Variants in PSTPIP2 observed in about 807,000 individuals in gnomAD.
The protein encoded by PSTPIP2 is proline-serine-threonine phosphatase interacting protein 2.
PSTPIP2 carries 33 observed loss-of-function variants against 63.3 expected under a neutral mutation model. That is an observed-to-expected ratio of 0.52 (90% CI 0.40 to 0.70). The LOEUF is 0.70. Among genes scored for constraint, PSTPIP2 ranks in the 30% least tolerant of loss-of-function variants. PSTPIP2 has a pLI of 0.00. For synonymous variants in PSTPIP2, 125 were observed against 132.7 expected (o/e 0.94, Z 0.40); for missense variants, 312 against 400.7 (o/e 0.78, Z 1.89).
At chr18:46,027,067 G>A (rs1365362923) in intron 2 of PSTPIP2, among the ~76,000 whole-genome samples, 1 of 152,106 alleles carries the variant, frequency 6.6e-6, no homozygotes, top group East Asian at 1.9e-4. Flanking sequence ...GGCCAAGGCG[G>A]TGGATCACCT....
chr18:46,063,782 A>C (rs1387355354), intron 1 of PSTPIP2, among the ~76,000 whole-genome samples: 1 of 152,232 alleles, frequency 6.6e-6, no homozygotes, highest in Non-Finnish European at 1.5e-5. Flanking sequence ...TAAAAACGCA[A>C]ATGAAAGTTG....
chr18:46,045,405 G>A (rs188604367), intron 1 of PSTPIP2, among the ~76,000 whole-genome samples: 10 of 151,904 alleles, frequency 6.6e-5, no homozygotes, highest in South Asian at 4.2e-4. Flanking sequence ...GTAAACTATC[G>A]TAAGAACAAA....
chr18:46,047,549 G>A (rs540610407), intron 1 of PSTPIP2, among the ~76,000 whole-genome samples: 25 of 152,258 alleles, frequency 1.6e-4, no homozygotes, highest in African/African-American at 5.1e-4. Context: ...CTGAGATCAC[G>A]CCACTGCACT....
chr18:46,047,160 T>A (rs1908410423), intron 1 of PSTPIP2, among the ~76,000 whole-genome samples: 1 of 152,224 alleles, frequency 6.6e-6, no homozygotes. Context: ...GACTATGAAG[T>A]TCATGTTACC....
intron 2 of PSTPIP2, chr18:46,028,436 G>GT: frequency 7.1e-6 from 4 of 559,816 alleles, no homozygotes; most frequent in Non-Finnish European, 1.0e-5. Flanking sequence ...CAGCGGAACC[G>GT]CCCGACGCTG....
chr18:46,067,712 T>C (rs1227923888), intron 1 of PSTPIP2, among the ~76,000 whole-genome samples: 1 of 152,152 alleles, frequency 6.6e-6, no homozygotes, highest in African/African-American at 2.4e-5. Flanking sequence ...CACCCAGGTG[T>C]AACCAATCAG....
intron 10 of PSTPIP2, among the ~76,000 whole-genome samples, chr18:45,992,573 A>C (rs1044079849): frequency 2.6e-5 from 4 of 151,476 alleles, no homozygotes; most frequent in Non-Finnish European, 4.4e-5. Flanking sequence ...AAAAAAAAAA[A>C]CAAAAAAACA....
At chr18:46,007,402 CAT>C (rs2051739376) in intron 5 of PSTPIP2, among the ~76,000 whole-genome samples, 2 of 152,332 alleles carry the variant, frequency 1.3e-5, no homozygotes, top group East Asian at 1.9e-4. Context: ...GCAGCAGAGA[CAT>C]AGAGAATAGA....
chr18:46,031,749 TAAG>T (rs1415055467), intron 2 of PSTPIP2, among the ~76,000 whole-genome samples: 1 of 152,198 alleles, frequency 6.6e-6, no homozygotes, highest in East Asian at 1.9e-4. Flanking sequence ...GTTTCCAAGA[TAAG>T]AAGTCACTCA....
chr18:46,032,093 ACTAC>A (rs984671808), intron 2 of PSTPIP2, among the ~76,000 whole-genome samples: 3 of 152,122 alleles, frequency 2.0e-5, no homozygotes, highest in African/African-American at 7.2e-5. Flanking sequence ...TCACCCTCCT[ACTAC>A]CTATCTGAAT....
At chr18:46,046,468 G>T (rs971537638) in intron 1 of PSTPIP2, among the ~76,000 whole-genome samples, 2 of 152,156 alleles carry the variant, frequency 1.3e-5, no homozygotes, top group Non-Finnish European at 2.9e-5. Flanking sequence ...TGTTAAACAT[G>T]CAGACCCCTC....
intron 6 of PSTPIP2, among the ~76,000 whole-genome samples, chr18:46,004,115 C>A (rs1259237728): frequency 6.6e-6 from 1 of 152,074 alleles, no homozygotes; most frequent in Admixed American, 6.6e-5. Flanking sequence ...AAAAATCTTG[C>A]CCCAGATTGT....
chr18:46,018,463 G>T (rs1053197579), intron 3 of PSTPIP2, among the ~76,000 whole-genome samples: 3 of 151,934 alleles, frequency 2.0e-5, no homozygotes, highest in Non-Finnish European at 4.4e-5. Flanking sequence ...CTGCCTCCTG[G>T]GTTCAAGCAA....
At chr18:46,049,697 T>C (rs942351302) in intron 1 of PSTPIP2, among the ~76,000 whole-genome samples, 34 of 152,186 alleles carry the variant, frequency 2.2e-4, no homozygotes, top group African/African-American at 7.9e-4. Context: ...CTGGCCAACA[T>C]GGCGAAACCC....
At chr18:45,992,289 G>T in intron 10 of PSTPIP2, 87 bp from the exon 11 acceptor site, 1 of 1,133,642 alleles carries the variant, frequency 8.8e-7, no homozygotes, top group Non-Finnish European at 1.3e-6. Flanking sequence ...GAGGCGGGGC[G>T]CAGTGGCTCA....
intron 1 of PSTPIP2, among the ~76,000 whole-genome samples, chr18:46,071,834 C>T (rs1292093216): frequency 2.0e-5 from 3 of 152,272 alleles, no homozygotes; most frequent in Non-Finnish European, 4.4e-5. Flanking sequence ...GGTGTCTCGG[C>T]TCTCTGCGTC....
chr18:46,028,299 C>T (rs762418300), intron 2 of PSTPIP2: 1 of 458,620 alleles, frequency 2.2e-6, no homozygotes. Context: ...AGCGTTAGCC[C>T]GGAACGAGGG....
chr18:46,008,614 G>C (rs975823992), intron 5 of PSTPIP2, among the ~76,000 whole-genome samples: 1 of 152,126 alleles, frequency 6.6e-6, no homozygotes, highest in African/African-American at 2.4e-5. Flanking sequence ...GCCTTAAGCT[G>C]TATTCTAAAA....
In PSTPIP2 at chr18:46,058,451, G is replaced by A. The variant is rs190840352; in HGVS notation, c.33+13705C>T. Among the ~76,000 whole-genome samples the A allele has an allele frequency of 4.8e-4, 73 of 152,044 alleles. 1 individual carries two copies. The highest frequency in any genetic ancestry group is 3.4e-3 in the Middle Eastern group (1 of 294). The stretch of plus-strand genomic sequence containing the variant: ...GGCTCAGCGCCACCTCCTCCTCCCG[G>A]GTTCAAGCAACTCTCCTGCCTCAGG... On this transcript the variant is annotated intron_variant, in intron 1 of 14. Coordinates refer to ENST00000409746, the MANE Select transcript of PSTPIP2 (RefSeq NM_024430.4).
Sources: allele counts gnomAD v4.1 joint callset (sites outside exome capture counted in the v4.1 genomes callset), GRCh38; gene constraint gnomAD v4.1.1; transcripts MANE v1.5; gene names NCBI Gene and HGNC (gene_info 2026-07-23, HGNC 2026-07-21).